Variants in DRD2 observed in about 807,000 individuals in gnomAD.
DRD2 encodes the protein D(2) dopamine receptor.
In DRD2, 8 loss-of-function variants were observed where a neutral mutation model predicts 38.0. The ratio of observed to expected loss-of-function variants is 0.21; its 90% CI spans 0.12 to 0.38. DRD2 has a LOEUF of 0.38. Ranked by LOEUF, DRD2 falls within the 10% of genes least tolerant of loss-of-function variation. The pLI is 1.00. For missense variants in DRD2, 403 were observed against 607.7 expected (o/e 0.66, Z 3.54); for synonymous variants, 230 against 238.6 (o/e 0.96, Z 0.33).
intron 1 of DRD2, among the ~76,000 whole-genome samples, chr11:113,435,482 A>C (rs912246785): frequency 6.6e-6 from 1 of 152,124 alleles, no homozygotes; most frequent in Non-Finnish European, 1.5e-5. Context: ...CGTGCACTGC[A>C]GAAGACTGGT....
chr11:113,456,266 T>C (rs1951267607), intron 1 of DRD2, among the ~76,000 whole-genome samples: 1 of 152,216 alleles, frequency 6.6e-6, no homozygotes, highest in Non-Finnish European at 1.5e-5. Context: ...GGTAAAATGG[T>C]GGTTACCAGA....
chr11:113,418,088 T>C lies in DRD2; in HGVS notation c.334A>G (p.Thr112Ala). The change falls in exon 3 of 8, where the codon ACT (threonine) becomes GCT (alanine). Residue 112 changes from threonine (T) to alanine (A), a missense_variant. Physicochemically the swap from Thr to Ala is moderately conservative, Grantham distance 58. Around this residue, in one of 4 missense-constraint regions of DRD2, gnomAD observed 162 missense variants for 254.5 expected, o/e 0.64. Transcript: ENST00000362072. ...FSRIHCDIFVTLDVMMCTASI... is the reference protein window; with the variant it reads ...FSRIHCDIFVALDVMMCTASI... ...GCCGTGCACATCATGACGTCCAGAG[T>C]GACGAAGATGTCACAGTGAATCCTG... 1 of 1,613,994 alleles carries C rather than the reference T, an allele frequency of 6.2e-7. No homozygotes were observed. Among genetic ancestry groups the C allele is most frequent in the Non-Finnish European group, 8.5e-7 (1 of 1,179,996 alleles).
chr11:113,467,802 C>A (rs890193476), intron 1 of DRD2, among the ~76,000 whole-genome samples: 2 of 152,128 alleles, frequency 1.3e-5, no homozygotes, highest in African/African-American at 4.8e-5. Context: ...TTCAGCTGCA[C>A]CTAAATCAAA....
In DRD2 at chr11:113,447,720, G is replaced by C. The variant is rs190142675; in HGVS notation, c.-31-23038C>G. On this transcript the variant is annotated intron_variant, in intron 1 of 7. Coordinates refer to ENST00000362072, the MANE Select transcript of DRD2 (RefSeq NM_000795.4). ...AATTCTGACAGGCAGTCAGCATCTGGCTTCTGGCCCCTGCTCTGCCCCACA... is the reference window on the plus strand; with the variant it reads ...AATTCTGACAGGCAGTCAGCATCTGCCTTCTGGCCCCTGCTCTGCCCCACA... 4.6e-5 allele frequency: 7 copies of C among 152,334 alleles called. No individual in the cohort carries two copies. In the East Asian group the frequency reaches 1.2e-3, roughly 25 times the overall value. 9.4% of individuals were successfully genotyped at this position (152,334 alleles called of 1,614,324 possible). A position where few individuals can be genotyped will look rare whatever the true frequency, so the allele number is the denominator to read the frequency against.
intron 1 of DRD2, among the ~76,000 whole-genome samples, chr11:113,432,069 G>A (rs1950992329): frequency 6.6e-6 from 1 of 152,196 alleles, no homozygotes; most frequent in Non-Finnish European, 1.5e-5. Flanking sequence ...CCTATAAAGT[G>A]TATTGGAAGG....
chr11:113,428,734 C>T (rs1950960671), intron 1 of DRD2, among the ~76,000 whole-genome samples: 1 of 152,182 alleles, frequency 6.6e-6, no homozygotes. Context: ...AGTGATCCTA[C>T]CACCTCAGCC....
chr11:113,415,264 G>A lies in DRD2; in HGVS notation c.723+157C>T. ...CTCAGATTGCTCCACTGAGGTCCAT[G>A]CCTTCAAAATCTGCCCTTGCCCGGC... On this transcript the variant is annotated intron_variant, in intron 5 of 7. Transcript: ENST00000362072. The A allele has an allele frequency of 7.1e-6, 6 of 850,390 alleles. No individual in the cohort carries two copies. The South Asian group carries it at 1.6e-4, about 22-fold the overall frequency. 52.7% of individuals were successfully genotyped at this position (850,390 alleles called of 1,614,324 possible).
At chr11:113,468,659 T>C (rs1402110009) in intron 1 of DRD2, among the ~76,000 whole-genome samples, 1 of 152,222 alleles carries the variant, frequency 6.6e-6, no homozygotes, top group Non-Finnish European at 1.5e-5. Context: ...GCAATTTTCC[T>C]GCCTCAGCCT....
intron 1 of DRD2, among the ~76,000 whole-genome samples, chr11:113,460,226 C>A (rs1591301428): frequency 6.6e-6 from 1 of 152,252 alleles, no homozygotes; most frequent in East Asian, 1.9e-4. Flanking sequence ...TGCCAGTGGA[C>A]CCTGCCCTCT....
intron 1 of DRD2, among the ~76,000 whole-genome samples, chr11:113,460,444 G>A (rs1188364325): frequency 1.3e-5 from 2 of 152,238 alleles, no homozygotes; most frequent in Non-Finnish European, 2.9e-5. Flanking sequence ...GGAGACACTC[G>A]AGCTGCCAGC....
At chr11:113,456,147 G>C (rs1951266242) in intron 1 of DRD2, among the ~76,000 whole-genome samples, 1 of 152,170 alleles carries the variant, frequency 6.6e-6, no homozygotes, top group Non-Finnish European at 1.5e-5. Flanking sequence ...ATGACAACTT[G>C]GGTGAATCTA....
intron 1 of DRD2, among the ~76,000 whole-genome samples, chr11:113,455,573 A>C (rs1261750417): frequency 1.3e-5 from 2 of 152,206 alleles, no homozygotes; most frequent in African/African-American, 4.8e-5. Flanking sequence ...TAAGGAACTC[A>C]AACTACTCAA....
Position 113,410,884 on chromosome 11 carries a change from G to C in DRD2, c.1175C>G (p.Thr392Arg). The C allele has an allele frequency of 6.2e-7, 1 of 1,611,938 alleles. No homozygotes were observed. The highest frequency in any genetic ancestry group is 8.5e-7 in the Non-Finnish European group (1 of 1,178,062). Reference protein sequence around the residue: ...FIICWLPFFITHILNIHCDCN... With the variant: ...FIICWLPFFIRHILNIHCDCN... The stretch of plus-strand genomic sequence containing the variant: ...GTCACAGTGTATGTTCAGGATGTGT[G>C]TGATGAAGAAGGGCAGCCAGCAGAT... The change falls in exon 8 of 8, where the codon ACA becomes AGA. Residue 392 changes from threonine to arginine, a missense_variant. Physicochemically the swap from Thr to Arg is moderately conservative, Grantham distance 71. This residue lies in a region of DRD2 where 67 missense variants were observed against 136.1 expected (regional missense o/e 0.49). Coordinates refer to ENST00000362072, the MANE Select transcript of DRD2 (RefSeq NM_000795.4).
intron 5 of DRD2, 49 bp from the exon 6 acceptor site, chr11:113,414,510 G>C (rs201489522): frequency 1.5e-5 from 24 of 1,606,704 alleles, no homozygotes; most frequent in African/African-American, 4.0e-5. Context: ...GGGGATGGAG[G>C]GGGGACAGAA....
At chr11:113,428,651 A>C (rs1352251710) in intron 1 of DRD2, among the ~76,000 whole-genome samples, 1 of 152,154 alleles carries the variant, frequency 6.6e-6, no homozygotes, top group African/African-American at 2.4e-5. Flanking sequence ...TAGAGACAGA[A>C]TCCCACTTTG....
At chr11:113,433,969 T>C (rs530517619) in intron 1 of DRD2, among the ~76,000 whole-genome samples, 2 of 152,334 alleles carry the variant, frequency 1.3e-5, no homozygotes, top group Admixed American at 1.3e-4. Context: ...TGCACCCTCC[T>C]TGAGTCCCAA....
At chr11:113,446,685 C>T (rs1253124582) in intron 1 of DRD2, among the ~76,000 whole-genome samples, 1 of 152,220 alleles carries the variant, frequency 6.6e-6, no homozygotes, top group Non-Finnish European at 1.5e-5. Flanking sequence ...CATGTTGCTG[C>T]TAAGCCTCAT....
chr11:113,441,729 G>A (rs952125135), intron 1 of DRD2, among the ~76,000 whole-genome samples: 18 of 152,208 alleles, frequency 1.2e-4, no homozygotes, highest in African/African-American at 4.3e-4. Context: ...TCACGCCTGT[G>A]ATCCCAGTAC....
At chr11:113,471,308 C>T (rs1565682124) in intron 1 of DRD2, among the ~76,000 whole-genome samples, 1 of 152,154 alleles carries the variant, frequency 6.6e-6, no homozygotes, top group South Asian at 2.1e-4. Context: ...GATTCCAACA[C>T]CATTAGAGTA....
Sources: allele counts gnomAD v4.1 joint callset (sites outside exome capture counted in the v4.1 genomes callset), GRCh38; gene constraint gnomAD v4.1.1; regional missense constraint gnomAD v4.1.1; transcripts MANE v1.5; gene names NCBI Gene and HGNC (gene_info 2026-07-23, HGNC 2026-07-21).